The following LMNTD1 variants were observed in gnomAD, a reference collection of about 807,000 sequenced individuals.
The protein encoded by LMNTD1 is lamin tail domain-containing protein 1.
In LMNTD1, 35 loss-of-function variants were observed where a neutral mutation model predicts 50.9. That is an observed-to-expected ratio of 0.69 (90% confidence interval 0.53 to 0.91). The LOEUF is 0.91. LMNTD1 is among the 40% of genes least tolerant of loss of function. The pLI is 0.00. For missense variants in LMNTD1, 470 were observed against 475.5 expected (o/e 0.99, Z 0.11); for synonymous variants, 153 against 161.9 (o/e 0.94, Z 0.42).
chr12:25,598,946 C>A (rs1945904982), intron 1 of LMNTD1, among the ~76,000 whole-genome samples: 1 of 152,048 alleles, frequency 6.6e-6, no homozygotes, highest in African/African-American at 2.4e-5. Context: ...AAGACCAATC[C>A]TATTCAAACT....
intron 4 of LMNTD1, among the ~76,000 whole-genome samples, chr12:25,539,784 G>A (rs1942914778): frequency 7.8e-6 from 1 of 128,198 alleles, no homozygotes; most frequent in African/African-American, 2.8e-5. Flanking sequence ...ATGAATCCAG[G>A]AGCTGGTTTT....
chr12:25,592,196 A>G lies in LMNTD1; in HGVS notation c.59-45642T>C, dbSNP rs1945721279. Among the ~76,000 whole-genome samples the G allele has an allele frequency of 3.3e-5, 5 of 152,296 alleles. No individual in the cohort carries two copies. In the South Asian group the frequency reaches 1.0e-3, roughly 32 times the overall value. ...CAGAAAAACATGGTATCAGAAGGAG[A>G]GGATCATGGTGGACAGGAGGCAGAA... On this transcript the variant is annotated intron_variant, in intron 1 of 7. Transcript: ENST00000445693.
At chr12:25,632,559 G>A (rs972646162) in intron 1 of LMNTD1, among the ~76,000 whole-genome samples, 13 of 152,176 alleles carry the variant, frequency 8.5e-5, no homozygotes, top group African/African-American at 3.1e-4. Context: ...CATCAAATAT[G>A]AAGGAAAGAT....
chr12:25,544,048 G>A (rs1943270536), intron 4 of LMNTD1, among the ~76,000 whole-genome samples: 1 of 151,936 alleles, frequency 6.6e-6, no homozygotes, highest in Non-Finnish European at 1.5e-5. Flanking sequence ...TGTATATTCT[G>A]CAGCAATTGG....
upstream of LMNTD1, among the ~76,000 whole-genome samples, chr12:25,554,706 C>T (rs574193701): frequency 2.3e-4 from 35 of 152,280 alleles, no homozygotes; most frequent in South Asian, 7.3e-3. Flanking sequence ...GATAATCCTA[C>T]TTAGTAAATA....
intron 9 of LMNTD1, among the ~76,000 whole-genome samples, chr12:25,492,283 C>T (rs1359214079): frequency 6.6e-6 from 1 of 152,210 alleles, no homozygotes; most frequent in East Asian, 1.9e-4. Flanking sequence ...TAGGTTGATA[C>T]TCTTAAAGGA....
At chr12:25,488,856 C>G (rs1411028488) in intron 9 of LMNTD1, among the ~76,000 whole-genome samples, 1 of 152,192 alleles carries the variant, frequency 6.6e-6, no homozygotes, top group East Asian at 1.9e-4. Flanking sequence ...AGACAGGATC[C>G]TCAGCTGCAG....
At chr12:25,645,821 A>C (rs1260160683) in intron 1 of LMNTD1, among the ~76,000 whole-genome samples, 1 of 152,168 alleles carries the variant, frequency 6.6e-6, no homozygotes, top group Non-Finnish European at 1.5e-5. Flanking sequence ...GAAGAAGGAT[A>C]ATGTATGTAA....
intron 9 of LMNTD1, among the ~76,000 whole-genome samples, chr12:25,495,886 C>G (rs1170839490): frequency 6.6e-6 from 1 of 152,134 alleles, no homozygotes; most frequent in Non-Finnish European, 1.5e-5. Flanking sequence ...TATATACTTT[C>G]TAAGAGCACA....
chr12:25,519,990 A>G lies in LMNTD1; in HGVS notation c.884T>C (p.Val295Ala), dbSNP rs558179689. ...CACACGCTTTCGGAATGTTGGAGAT[A>G]CTACTGAACATCTGTTAAATTCAAC... The part of the protein sequence containing the change: ...ADVEFNRCSV[V>A]SPTFRKRVFQ... Residue 295 changes from valine (V) to alanine (A), a missense_variant, in exon 7 of 10, where the codon GTA (valine) becomes GCA (alanine). Coordinates refer to ENST00000458174, the MANE Select transcript of LMNTD1 (RefSeq NM_001145728.2). The G allele has an allele frequency of 9.3e-6, 15 of 1,613,692 alleles. No individual in the cohort carries two copies. The South Asian group carries it at 1.6e-4, about 18-fold the overall frequency.
At position 25,646,168 on chromosome 12, in the gene LMNTD1, G is replaced by A. The variant is rs192429030; in HGVS notation, c.58+2326C>T. On this transcript the variant is annotated intron_variant, in intron 1 of 7. Coordinates refer to the LMNTD1 transcript ENST00000445693. The stretch of plus-strand genomic sequence containing the variant: ...AGTAAACCCCAAGCTATGAGGGATG[G>A]CATTGTTCAAGATGGTATGGGGTGG... Among the ~76,000 whole-genome samples, 6 of 151,986 alleles carry A rather than the reference G, an allele frequency of 3.9e-5. No homozygotes were observed. The East Asian group carries it at 1.2e-3, about 29-fold the overall frequency.
intron 1 of LMNTD1, among the ~76,000 whole-genome samples, chr12:25,635,021 C>T (rs1281419616): frequency 6.6e-6 from 1 of 152,046 alleles, no homozygotes; most frequent in African/African-American, 2.4e-5. Flanking sequence ...CCGTGGCTCA[C>T]CTCAGGTCAG....
chr12:25,490,034 A>G (rs375592446), intron 9 of LMNTD1, among the ~76,000 whole-genome samples: 1 of 152,232 alleles, frequency 6.6e-6, no homozygotes. Flanking sequence ...AGTTCAGCAA[A>G]TATCCTTTCT....
At chr12:25,578,157 C>G (rs1327764724) in intron 1 of LMNTD1, among the ~76,000 whole-genome samples, 1 of 152,222 alleles carries the variant, frequency 6.6e-6, no homozygotes, top group African/African-American at 2.4e-5. Context: ...CATGCACACA[C>G]ACACACACTT....
chr12:25,503,897 A>G, intron 8 of LMNTD1, 97 bp from the exon 9 acceptor site: 1 of 633,646 alleles, frequency 1.6e-6, no homozygotes, highest in East Asian at 2.9e-5. Context: ...TTTCCATGTT[A>G]AAACAAATCC....
At chr12:25,599,482 A>G (rs1427922924) in intron 1 of LMNTD1, among the ~76,000 whole-genome samples, 3 of 152,088 alleles carry the variant, frequency 2.0e-5, no homozygotes, top group Non-Finnish European at 4.4e-5. Flanking sequence ...AATGAAGGGT[A>G]TCCAAATTTG....
intron 9 of LMNTD1, among the ~76,000 whole-genome samples, chr12:25,498,761 A>ATT (rs200581435): frequency 6.6e-6 from 1 of 151,986 alleles, no homozygotes; most frequent in Non-Finnish European, 1.5e-5. Context: ...CTAAGGAATT[A>ATT]TTTTTTTTAT....
chr12:25,541,098 C>A (rs1431718314), intron 4 of LMNTD1, among the ~76,000 whole-genome samples: 2 of 85,626 alleles, frequency 2.3e-5, no homozygotes, highest in Non-Finnish European at 6.0e-5. Flanking sequence ...AATGGAAGAA[C>A]ATTCCATGCT....
rs556985118 is a variant in LMNTD1, at chr12:25,552,757, T to C, written c.89+114A>G. On this transcript the variant is annotated intron_variant, in intron 2 of 9. Transcript: ENST00000458174. ...ATTTCTAGAAAATTTGTGAGATATA[T>C]TCTAGTTCTAACTGGTTCATAAGAG... The C allele has an allele frequency of 1.5e-5, 10 of 661,606 alleles. 1 individual carries two copies. The African/African-American group carries it at 1.6e-4, about 11-fold the overall frequency. The allele number at this position is 661,606 out of a possible 1,614,324, so 41.0% of individuals were successfully genotyped here.
Sources: gnomAD v4.1 joint callset for allele counts (sites outside exome capture counted in the v4.1 genomes callset) on GRCh38, gnomAD v4.1.1 for gene constraint, MANE v1.5 for transcripts, NCBI Gene and HGNC (gene_info 2026-07-23, HGNC 2026-07-21) for gene names.